The following DPYSL2 variants were observed in gnomAD, a reference collection of about 807,000 sequenced individuals.
DPYSL2 encodes dihydropyrimidinase like 2.
In DPYSL2, 13 loss-of-function variants were observed where a neutral mutation model predicts 69.9. The ratio of observed to expected loss-of-function variants is 0.19; its 90% CI spans 0.12 to 0.30. The LOEUF (loss-of-function observed/expected upper bound fraction) is 0.30. Ranked by LOEUF, DPYSL2 falls within the 10% of genes least tolerant of loss-of-function variation. DPYSL2 has a pLI of 1.00. For missense variants in DPYSL2, 587 were observed against 918.9 expected, an observed-to-expected ratio of 0.64 and a Z score of 4.67; for synonymous variants, 326 against 359.1, an observed-to-expected ratio of 0.91 and a Z score of 1.04.
intron 7 of DPYSL2, among the ~76,000 whole-genome samples, chr8:26,630,610 C>T (rs961233479): frequency 3.6e-5 from 3 of 82,730 alleles, no homozygotes; most frequent in Admixed American, 2.9e-4. Flanking sequence ...CCCACAACTC[C>T]AGGGATGCCA....
At chr8:26,522,158 A>G (rs1472116067) in intron 1 of DPYSL2, among the ~76,000 whole-genome samples, 1 of 152,170 alleles carries the variant, frequency 6.6e-6, no homozygotes, top group East Asian at 1.9e-4. Flanking sequence ...AAATACAAAA[A>G]TTAGCCGGGC....
chr8:26,558,618 T>C (rs1035590040), intron 1 of DPYSL2, among the ~76,000 whole-genome samples: 16 of 152,228 alleles, frequency 1.1e-4, no homozygotes, highest in African/African-American at 3.6e-4. Context: ...CTATATTGGC[T>C]CATCACTTGT....
chr8:26,584,054 A>C, intron 3 of DPYSL2, 71 bp downstream of exon 3: 2 of 1,477,096 alleles, frequency 1.4e-6, no homozygotes, highest in Non-Finnish European at 1.8e-6. Context: ...CTATTGTTTG[A>C]TTCTCTCCTT....
chr8:26,645,162 G>A (rs1001466824), intron 10 of DPYSL2, among the ~76,000 whole-genome samples: 1 of 152,120 alleles, frequency 6.6e-6, no homozygotes, highest in Non-Finnish European at 1.5e-5. Flanking sequence ...CATTTTGGGA[G>A]GCCGAGGTGG....
At chr8:26,637,920 G>C (rs1323178254) in intron 8 of DPYSL2, 2 of 152,254 alleles carry the variant, frequency 1.3e-5, no homozygotes, top group Non-Finnish European at 2.9e-5. Flanking sequence ...TGAAGGGGCT[G>C]GTCTAACCTT....
At position 26,580,301 on chromosome 8, in the gene DPYSL2, G is replaced by T. The variant is rs921874864; in HGVS notation, c.355-1668G>T. Among the ~76,000 whole-genome samples, 5 of 152,128 alleles carry T rather than the reference G, an allele frequency of 3.3e-5. No homozygotes were observed. Among genetic ancestry groups the T allele is most frequent in the Non-Finnish European group, 7.3e-5 (5 of 68,028 alleles). On this transcript the variant is annotated intron_variant, in intron 1 of 13. Transcript: ENST00000521913. This position sits in a 1 kb window ranked among gnomAD's most constrained non-coding sequence, Gnocchi z 4.1. ...CAAGTGCACTGATTTGAGTGACCTG[G>T]GCAAGTGGCCTAACCTCTCTGAGCC...
At chr8:26,578,194 C>G in intron 1 of DPYSL2, 2 of 1,612,142 alleles carry the variant, frequency 1.2e-6, no homozygotes, top group South Asian at 2.2e-5. Flanking sequence ...CCCAAGTCCC[C>G]TTCCCGGCAG....
chr8:26,552,670 G>T (rs1800889303), intron 1 of DPYSL2, among the ~76,000 whole-genome samples: 2 of 152,194 alleles, frequency 1.3e-5, no homozygotes. Context: ...ACATGTGAGA[G>T]TGCTTACAAG....
chr8:26,563,451 G>A (rs555116648), intron 1 of DPYSL2, among the ~76,000 whole-genome samples: 4 of 152,292 alleles, frequency 2.6e-5, no homozygotes, highest in African/African-American at 9.6e-5. Flanking sequence ...CAGACATGAA[G>A]TCCTGAACTT....
chr8:26,607,830 C>A (rs1802139853), intron 3 of DPYSL2, among the ~76,000 whole-genome samples: 1 of 151,060 alleles, frequency 6.6e-6, no homozygotes, highest in Admixed American at 6.6e-5. Flanking sequence ...CTGTAATCCC[C>A]ACACTTTGGG....
rs778888949 is a variant in DPYSL2, at chr8:26,653,547, C to T, written c.1942+150C>T. ...TGAGAAATACAGTGGACTCAGATCT[C>T]TGGAGATGTATTTTCTTTTTCTTTT... is the stretch of plus-strand genomic sequence containing the variant. On this transcript the variant is annotated intron_variant, in intron 13 of 13. Coordinates refer to ENST00000521913, the MANE Select transcript of DPYSL2 (RefSeq NM_001197293.3). This position sits in a 1 kb window ranked among gnomAD's most constrained non-coding sequence, Gnocchi z 5.7. The T allele has an allele frequency of 9.1e-5, 84 of 922,900 alleles. No homozygotes were observed. The highest frequency in any genetic ancestry group is 3.6e-4 in the Admixed American group (13 of 36,282). The allele number at this position is 922,900 out of a possible 1,614,324, so 57.2% of individuals were successfully genotyped here. A position where few individuals can be genotyped will look rare whatever the true frequency, so the allele number is the denominator to read the frequency against.
intron 1 of DPYSL2, among the ~76,000 whole-genome samples, chr8:26,572,632 T>A (rs937198661): frequency 6.6e-6 from 1 of 152,186 alleles, no homozygotes. Context: ...CCTGAGTAGC[T>A]GGGATTACAG....
In DPYSL2 at chr8:26,627,237, T is replaced by G; in HGVS notation, c.878T>G (p.Ile293Ser). Reference protein sequence around the residue: ...DCQIYEVLSVIRDIGAIAQVH... With the variant: ...DCQIYEVLSVSRDIGAIAQVH... ...CAGATTTATGAAGTACTGAGTGTGA[T>G]CCGGGATATTGGCGCCATAGCCCAA... Residue 293 changes from isoleucine (I) to serine (S), a missense_variant, in exon 6 of 14, where the codon ATC becomes AGC. Physicochemically the swap from Ile to Ser is moderately radical, Grantham distance 142 (BLOSUM62 -2). Coordinates refer to ENST00000521913, the MANE Select transcript of DPYSL2 (RefSeq NM_001197293.3). This position sits in a 1 kb window ranked among gnomAD's most constrained non-coding sequence, Gnocchi z 6.9. 2 of 1,614,172 alleles carry G rather than the reference T, an allele frequency of 1.2e-6. No individual in the cohort carries two copies. The highest frequency in any genetic ancestry group is 1.7e-6 in the Non-Finnish European group (2 of 1,180,036).
Position 26,560,280 on chromosome 8 carries a change from A to T in DPYSL2, c.355-21689A>T, listed in dbSNP as rs1241935546. Among the ~76,000 whole-genome samples, 1 of 152,150 alleles carries T rather than the reference A, an allele frequency of 6.6e-6. No homozygotes were observed. The highest frequency in any genetic ancestry group is 6.5e-5 in the Admixed American group (1 of 15,274). On this transcript the variant is annotated intron_variant, in intron 1 of 13. Coordinates refer to ENST00000521913, the MANE Select transcript of DPYSL2 (RefSeq NM_001197293.3). This position sits in a 1 kb window ranked among gnomAD's most constrained non-coding sequence, Gnocchi z 4.4. ...ATTCTCCAGGTCAGGCCTTCCATGG[A>T]TTATTTACAGAATGAGGAATAAGAC...
At chr8:26,525,538 C>T (rs1204360133) in intron 1 of DPYSL2, among the ~76,000 whole-genome samples, 1 of 152,182 alleles carries the variant, frequency 6.6e-6, no homozygotes, top group East Asian at 1.9e-4. Flanking sequence ...TCATTTTTAT[C>T]TACATTTTAA....
In DPYSL2 at chr8:26,514,813, C is replaced by G. The variant is rs1174873068; in HGVS notation, c.354+134C>G. 1.2e-6 allele frequency: 1 copy of G among 803,246 alleles called. No individual in the cohort carries two copies. The highest frequency in any genetic ancestry group is 1.8e-6 in the Non-Finnish European group (1 of 562,110). 49.8% of individuals were successfully genotyped at this position (803,246 alleles called of 1,614,324 possible). A position where few individuals can be genotyped will look rare whatever the true frequency, so the allele number is the denominator to read the frequency against. ...TCCCGCATCTGCACGCGCACCCCGC[C>G]CTACCCGCCCCTTCTCCGCGCAGGG... On this transcript the variant is annotated intron_variant, in intron 1 of 13. Coordinates refer to ENST00000521913, the MANE Select transcript of DPYSL2 (RefSeq NM_001197293.3). The surrounding 1 kb of genome is among the most constrained non-coding windows in gnomAD (Gnocchi z 8.4).
At chr8:26,601,530 A>ACT (rs1801992997) in intron 3 of DPYSL2, among the ~76,000 whole-genome samples, 1 of 152,146 alleles carries the variant, frequency 6.6e-6, no homozygotes, top group Non-Finnish European at 1.5e-5. Flanking sequence ...GGTGCCCGCC[A>ACT]ACATGCCCGG....
At chr8:26,579,317 C>T (rs1401537878) in intron 1 of DPYSL2, among the ~76,000 whole-genome samples, 2 of 152,236 alleles carry the variant, frequency 1.3e-5, no homozygotes, top group Admixed American at 6.5e-5. Context: ...TCCCCTGCTC[C>T]CTCCCTCTCC....
In DPYSL2 at chr8:26,517,771, C is replaced by G. The variant is rs1808316797; in HGVS notation, c.354+3092C>G. 6.6e-6 allele frequency among the ~76,000 whole-genome samples: 1 copy of G among 152,234 alleles called. No individual in the cohort carries two copies. The highest frequency in any genetic ancestry group is 6.5e-5 in the Admixed American group (1 of 15,284). ...TGACAGGGAGTGATTCTCCTCCTCT[C>G]CAGGGCAGGTGCCGCTGAATGAACT... On this transcript the variant is annotated intron_variant, in intron 1 of 13. Coordinates refer to ENST00000521913, the MANE Select transcript of DPYSL2 (RefSeq NM_001197293.3). This position sits in a 1 kb window ranked among gnomAD's most constrained non-coding sequence, Gnocchi z 4.2.
Sources: allele counts gnomAD v4.1 joint callset (sites outside exome capture counted in the v4.1 genomes callset), GRCh38; gene constraint gnomAD v4.1.1; non-coding constraint Gnocchi (gnomAD v3.1); transcripts MANE v1.5; gene names NCBI Gene and HGNC (gene_info 2026-07-23, HGNC 2026-07-21).